Variants in PTAR1 observed in about 807,000 individuals in gnomAD.
PTAR1 encodes protein prenyltransferase alpha subunit repeat-containing protein 1.
A neutral mutation model predicts 45.5 loss-of-function variants in PTAR1; 17 were observed. The observed-to-expected ratio is 0.37, with a 90% CI of 0.26 to 0.56. The LOEUF is 0.56. Among genes scored for constraint, PTAR1 ranks in the 20% least tolerant of loss-of-function variants. The pLI is 0.77. For missense variants in PTAR1, 391 were observed against 476.3 expected, an observed-to-expected ratio of 0.82 and a Z score of 1.67; for synonymous variants, 169 against 171.3, an observed-to-expected ratio of 0.99 and a Z score of 0.11.
rs532909581 is a variant in PTAR1, at chr9:69,715,946, G to A, written c.*2396C>T. 4 of 152,140 alleles carry A rather than the reference G, an allele frequency of 2.6e-5. No homozygotes were observed. The highest frequency in any genetic ancestry group is 4.1e-4 in the South Asian group (2 of 4,826). 9.4% of individuals were successfully genotyped at this position (152,140 alleles called of 1,614,324 possible). ...AACAAGACATATTAAAGGACTGTGC[G>A]GCTTCAGAAAAGAGTGGGTTAAGAG... On this transcript the variant is annotated 3_prime_UTR_variant, in exon 8 of 8. Transcript: ENST00000340434.
At chr9:69,735,576 T>C (rs996145757) in intron 3 of PTAR1, among the ~76,000 whole-genome samples, 13 of 152,224 alleles carry the variant, frequency 8.5e-5, no homozygotes, top group Non-Finnish European at 1.2e-4. Flanking sequence ...GAGCTTTCTA[T>C]ACCTGTTTCT....
chr9:69,710,067 T>C lies in PTAR1; in HGVS notation c.*8275A>G, dbSNP rs1190751265. On this transcript the variant is annotated 3_prime_UTR_variant, in exon 8 of 8. Coordinates refer to ENST00000340434, the MANE Select transcript of PTAR1 (RefSeq NM_001099666.2). ...CTATTAGATGCTTTTCTAAATATTCTGAATTTTTAAAGTACCATAATTACA... is the reference window on the plus strand; with the variant it reads ...CTATTAGATGCTTTTCTAAATATTCCGAATTTTTAAAGTACCATAATTACA... 6.6e-6 allele frequency: 1 copy of C among 152,128 alleles called. No homozygotes were observed. Among genetic ancestry groups the C allele is most frequent in the Non-Finnish European group, 1.5e-5 (1 of 67,988 alleles). 9.4% of individuals were successfully genotyped at this position (152,128 alleles called of 1,614,324 possible).
At chr9:69,742,793 T>G (rs1359874991) in intron 2 of PTAR1, among the ~76,000 whole-genome samples, 1 of 152,152 alleles carries the variant, frequency 6.6e-6, no homozygotes, top group East Asian at 1.9e-4. Context: ...TTAATTTACA[T>G]TTGTTAATAG....
chr9:69,744,184 T>C (rs959789899), intron 2 of PTAR1, among the ~76,000 whole-genome samples: 5 of 152,174 alleles, frequency 3.3e-5, no homozygotes, highest in African/African-American at 9.7e-5. Flanking sequence ...TTCCTTTACA[T>C]GTTACATTCC....
At chr9:69,753,281 ACTGT>A (rs1159095760) in intron 1 of PTAR1, among the ~76,000 whole-genome samples, 2 of 152,122 alleles carry the variant, frequency 1.3e-5, no homozygotes, top group South Asian at 2.1e-4. Flanking sequence ...CACTGCTTTG[ACTGT>A]CTGTTCTTTC....
At chr9:69,731,334 C>G (rs189736078) in intron 5 of PTAR1, among the ~76,000 whole-genome samples, 19 of 152,304 alleles carry the variant, frequency 1.2e-4, no homozygotes, top group Admixed American at 1.2e-3. Flanking sequence ...TTAACTGTCT[C>G]AAGCCTGAGA....
At position 69,759,903 on chromosome 9, in the gene PTAR1, C is replaced by T; in HGVS notation, c.36G>A (p.Val12=). 1 of 1,528,006 alleles carries T rather than the reference C, an allele frequency of 6.5e-7. No individual in the cohort carries two copies. Among genetic ancestry groups the T allele is most frequent in the Admixed American group, 2.0e-5 (1 of 49,320 alleles). The allele number at this position is 1,528,006 out of a possible 1,614,324, so 94.7% of individuals were successfully genotyped here. A position where few individuals can be genotyped will look rare whatever the true frequency, so the allele number is the denominator to read the frequency against. Residue 12 remains valine, a synonymous_variant, in exon 1 of 8, where the codon GTG becomes GTA. Transcript: ENST00000340434. ...TAGTGATGTCCTTCACAACCCGCTGCACCAGCACCGCCACCTCCTCGCTGG... is the reference window on the plus strand; with the variant it reads ...TAGTGATGTCCTTCACAACCCGCTGTACCAGCACCGCCACCTCCTCGCTGG... ...AETSEEVAVL[V]QRVVKDITNA... is the part of the protein sequence containing the mutation.
chr9:69,740,696 G>T (rs1826007799), intron 3 of PTAR1, among the ~76,000 whole-genome samples: 1 of 149,646 alleles, frequency 6.7e-6, no homozygotes. Flanking sequence ...CCTTAAAAAA[G>T]CTCTGAATTT....
At chr9:69,730,871 G>A (rs1000399498) in intron 5 of PTAR1, among the ~76,000 whole-genome samples, 14 of 151,858 alleles carry the variant, frequency 9.2e-5, no homozygotes, top group African/African-American at 3.4e-4. Flanking sequence ...AACTAAAATC[G>A]AGTGAATCTC....
intron 2 of PTAR1, among the ~76,000 whole-genome samples, chr9:69,749,883 T>C (rs1301354105): frequency 2.0e-5 from 3 of 152,080 alleles, no homozygotes; most frequent in Non-Finnish European, 2.9e-5. Context: ...CTGGTATGAG[T>C]AGACCCTTGG....
At chr9:69,759,356 T>A (rs1319118898) in intron 1 of PTAR1, among the ~76,000 whole-genome samples, 1 of 152,182 alleles carries the variant, frequency 6.6e-6, no homozygotes, top group East Asian at 1.9e-4. Flanking sequence ...CAAGTAAGGC[T>A]AAAGTCAAAA....
chr9:69,734,634 C>CA (rs1825700092), intron 3 of PTAR1, among the ~76,000 whole-genome samples: 2 of 152,068 alleles, frequency 1.3e-5, no homozygotes, highest in Admixed American at 1.3e-4. Flanking sequence ...CAATACCAGC[C>CA]AAAATTGGTC....
intron 5 of PTAR1, among the ~76,000 whole-genome samples, chr9:69,726,101 T>A (rs1825264094): frequency 6.6e-6 from 1 of 152,032 alleles, no homozygotes; most frequent in South Asian, 2.1e-4. Flanking sequence ...ATTATAAAAG[T>A]GATACAAAAT....
intron 2 of PTAR1, among the ~76,000 whole-genome samples, chr9:69,745,881 C>T (rs140016305): frequency 2.7e-3 from 413 of 152,304 alleles, no homozygotes; most frequent in Middle Eastern, 6.8e-3. Context: ...TAGTCCAGTT[C>T]CACAAATGAT....
At chr9:69,735,455 C>A (rs148226708) in intron 3 of PTAR1, among the ~76,000 whole-genome samples, 1 of 152,102 alleles carries the variant, frequency 6.6e-6, no homozygotes, top group East Asian at 1.9e-4. Flanking sequence ...TGAACATGTT[C>A]GCTACAGAAA....
At position 69,750,787 on chromosome 9, in the gene PTAR1, T is replaced by C. The variant is rs1387674446; in HGVS notation, c.250A>G (p.Arg84Gly). 6.2e-7 allele frequency: 1 copy of C among 1,606,218 alleles called. No homozygotes were observed. Among genetic ancestry groups the C allele is most frequent in the Non-Finnish European group, 8.5e-7 (1 of 1,176,592 alleles). ...AAATATGATTCATACTTACCATCTC[T>C]GTTCAGCCATTGCTTTCTTGTTCTG... ...LYRTRKQWLNRDELIDVTCTL... is the reference protein window; with the variant it reads ...LYRTRKQWLNGDELIDVTCTL... The change falls in exon 2 of 8, where the codon AGA becomes GGA. Residue 84 changes from arginine (R) to glycine (G), a missense_variant. Arg to Gly is a moderately radical substitution (Grantham distance 125). This residue lies in a region of PTAR1 where 152 missense variants were observed against 160.0 expected (regional missense o/e 0.95). Transcript: ENST00000340434.
chr9:69,748,680 CAAAT>C (rs1198109818), intron 2 of PTAR1, among the ~76,000 whole-genome samples: 1 of 152,056 alleles, frequency 6.6e-6, no homozygotes, highest in Non-Finnish European at 1.5e-5. Flanking sequence ...TTCTCTATAA[CAAAT>C]AATTTTAAAG....
chr9:69,733,157 T>C (rs1825619656), intron 4 of PTAR1, among the ~76,000 whole-genome samples: 2 of 152,114 alleles, frequency 1.3e-5, no homozygotes. Flanking sequence ...TAAAAAAAAT[T>C]AGACAAGCCA....
Position 69,717,661 on chromosome 9 carries a change from T to C in PTAR1, c.*681A>G, listed in dbSNP as rs1824783817. The C allele has an allele frequency of 6.6e-6, 1 of 152,232 alleles. No individual in the cohort carries two copies. Among genetic ancestry groups the C allele is most frequent in the Non-Finnish European group, 1.5e-5 (1 of 68,044 alleles). 9.4% of individuals were successfully genotyped at this position (152,232 alleles called of 1,614,324 possible). ...TGATTCTCAAAACAATTACATCAAG[T>C]TATTCGGCATTCATACCAACATTCT... On this transcript the variant is annotated 3_prime_UTR_variant, in exon 8 of 8. Coordinates refer to ENST00000340434, the MANE Select transcript of PTAR1 (RefSeq NM_001099666.2).
Sources: gnomAD v4.1 joint callset for allele counts (sites outside exome capture counted in the v4.1 genomes callset) on GRCh38, gnomAD v4.1.1 for gene constraint, gnomAD v4.1.1 regional missense constraint, MANE v1.5 for transcripts, NCBI Gene and HGNC (gene_info 2026-07-23, HGNC 2026-07-21) for gene names.